Variants in GPC6 observed in about 807,000 individuals in gnomAD.
The protein encoded by GPC6 is glypican 6.
Under a neutral mutation model 55.2 loss-of-function variants are expected in GPC6, and 14 were observed. The ratio of observed to expected loss-of-function variants is 0.25; its 90% confidence interval spans 0.17 to 0.40. The LOEUF (loss-of-function observed/expected upper bound fraction) is 0.40. Among genes scored for constraint, GPC6 ranks in the 10% least tolerant of loss-of-function variants. GPC6 has a pLI of 1.00. For synonymous variants in GPC6, 278 were observed against 259.6 expected (o/e 1.07, Z -0.68); for missense variants, 641 against 708.5 (o/e 0.90, Z 1.08).
rs1424513984 is a variant in GPC6, at chr13:93,672,711, A to G, written c.319+127290A>G. Among the ~76,000 whole-genome samples, 4 of 151,634 alleles carry G rather than the reference A, an allele frequency of 2.6e-5. No individual in the cohort carries two copies. The East Asian group carries it at 7.8e-4, about 29-fold the overall frequency. On this transcript the variant is annotated intron_variant, in intron 2 of 8. Transcript: ENST00000377047. The stretch of plus-strand genomic sequence containing the variant: ...TATATATATAATCTCAGTGTTCATT[A>G]TATGTAAAATTAGATACATATATAA...
At chr13:93,754,818 G>C (rs1464998728) in intron 2 of GPC6, among the ~76,000 whole-genome samples, 2 of 152,002 alleles carry the variant, frequency 1.3e-5, no homozygotes, top group Non-Finnish European at 2.9e-5. Flanking sequence ...AACCTTTGAG[G>C]CCACCCAAAT....
chr13:93,805,390 A>G (rs1424689033), intron 2 of GPC6, among the ~76,000 whole-genome samples: 2 of 152,190 alleles, frequency 1.3e-5, no homozygotes, highest in Non-Finnish European at 2.9e-5. Context: ...TAAATTAATC[A>G]TGATGGGTGG....
intron 1 of GPC6, among the ~76,000 whole-genome samples, chr13:93,385,235 G>A (rs774009757): frequency 6.6e-5 from 10 of 152,214 alleles, no homozygotes; most frequent in African/African-American, 9.6e-5. Context: ...GAAACTGGTA[G>A]CAGGACAGTG....
intron 3 of GPC6, among the ~76,000 whole-genome samples, chr13:93,994,639 T>C (rs1355144972): frequency 6.6e-6 from 1 of 152,164 alleles, no homozygotes; most frequent in African/African-American, 2.4e-5. Context: ...AAAGTGTTAG[T>C]GCTGTGACTG....
chr13:93,345,150 T>C (rs906196295), intron 1 of GPC6, among the ~76,000 whole-genome samples: 1 of 152,126 alleles, frequency 6.6e-6, no homozygotes, highest in Admixed American at 6.6e-5. Flanking sequence ...TTTCAGAACA[T>C]CCTGTCTGGA....
intron 1 of GPC6, among the ~76,000 whole-genome samples, chr13:93,380,183 A>G (rs1257712979): frequency 6.6e-6 from 1 of 152,176 alleles, no homozygotes; most frequent in Non-Finnish European, 1.5e-5. Flanking sequence ...AGTAAGTTTT[A>G]AATCACAGAA....
intron 1 of GPC6, among the ~76,000 whole-genome samples, chr13:93,365,768 T>C (rs1881224923): frequency 6.6e-6 from 1 of 152,050 alleles, no homozygotes; most frequent in Admixed American, 6.6e-5. Flanking sequence ...ATCTATCACT[T>C]TACATGGTAG....
intron 3 of GPC6, among the ~76,000 whole-genome samples, chr13:93,875,000 C>A (rs970439740): frequency 5.3e-5 from 8 of 151,958 alleles, no homozygotes; most frequent in African/African-American, 1.9e-4. Context: ...GCATCTCTTG[C>A]ATAATATTAG....
intron 4 of GPC6, among the ~76,000 whole-genome samples, chr13:94,110,866 T>G (rs1040292762): frequency 3.3e-5 from 5 of 152,070 alleles, no homozygotes; most frequent in Non-Finnish European, 7.4e-5. Context: ...CAAGAATTTT[T>G]GTTTATTTAT....
In GPC6 at chr13:93,262,208, G is replaced by A. The variant is rs1193776287; in HGVS notation, c.160+34592G>A. On this transcript the variant is annotated intron_variant, in intron 1 of 8. Coordinates refer to ENST00000377047, the MANE Select transcript of GPC6 (RefSeq NM_005708.5). The stretch of plus-strand genomic sequence containing the variant: ...CAAAAGTAACTTTTACCTTTCTCAG[G>A]TCCAGATGTCAGGGGGTTGTAGTGA... Among the ~76,000 whole-genome samples, 6 of 151,958 alleles carry A rather than the reference G, an allele frequency of 3.9e-5. No individual in the cohort carries two copies. The East Asian group carries it at 7.7e-4, about 20-fold the overall frequency.
At chr13:93,859,030 C>G (rs1374058847) in intron 3 of GPC6, among the ~76,000 whole-genome samples, 1 of 151,394 alleles carries the variant, frequency 6.6e-6, no homozygotes, top group Non-Finnish European at 1.5e-5. Context: ...TTCTAATGAA[C>G]ACTTCATTAA....
intron 2 of GPC6, among the ~76,000 whole-genome samples, chr13:93,664,899 A>G (rs1455182430): frequency 1.3e-5 from 2 of 152,238 alleles, no homozygotes; most frequent in African/African-American, 4.8e-5. Flanking sequence ...TAAAGTAAAC[A>G]TAATAATAAT....
rs185921517 is a variant in GPC6, at chr13:93,709,106, A to G, written c.320-121048A>G. Among the ~76,000 whole-genome samples the G allele has an allele frequency of 2.1e-3, 313 of 151,972 alleles. 1 individual carries two copies. Among genetic ancestry groups the G allele is most frequent in the African/African-American group, 6.7e-3 (278 of 41,522 alleles). On this transcript the variant is annotated intron_variant, in intron 2 of 8. Transcript: ENST00000377047. ...TTTTGCAACCAAGAAAATAATTTCC[A>G]TTGCCATTTTTAGCATGTTACTTAT... is the stretch of plus-strand genomic sequence containing the variant.
chr13:93,331,225 T>G (rs1879833076), intron 1 of GPC6, among the ~76,000 whole-genome samples: 3 of 152,204 alleles, frequency 2.0e-5, no homozygotes, highest in Admixed American at 6.5e-5. Flanking sequence ...TCATACTACA[T>G]TTTTATCAGG....
At chr13:93,687,946 A>G (rs1051366876) in intron 2 of GPC6, among the ~76,000 whole-genome samples, 1 of 151,934 alleles carries the variant, frequency 6.6e-6, no homozygotes, top group Non-Finnish European at 1.5e-5. Context: ...AAAGAAGTCC[A>G]GAGGCAGGCA....
chr13:93,913,586 C>T (rs1877124643), intron 3 of GPC6, among the ~76,000 whole-genome samples: 1 of 152,116 alleles, frequency 6.6e-6, no homozygotes, highest in South Asian at 2.1e-4. Flanking sequence ...GAAATTGGAA[C>T]TCCAATTTCT....
At chr13:93,549,308 G>A (rs1874996578) in intron 2 of GPC6, among the ~76,000 whole-genome samples, 1 of 152,144 alleles carries the variant, frequency 6.6e-6, no homozygotes, top group African/African-American at 2.4e-5. Flanking sequence ...CTCATTTTTA[G>A]TATTTTTGTG....
intron 4 of GPC6, among the ~76,000 whole-genome samples, chr13:94,207,527 G>T (rs1889940533): frequency 6.6e-6 from 1 of 152,124 alleles, no homozygotes; most frequent in Admixed American, 6.5e-5. Context: ...CTATGAAGTG[G>T]ACTATGACAA....
intron 6 of GPC6, among the ~76,000 whole-genome samples, chr13:94,354,800 G>A (rs1878713373): frequency 6.6e-6 from 1 of 152,254 alleles, no homozygotes; most frequent in Non-Finnish European, 1.5e-5. Context: ...TCAGCCATCA[G>A]TGTTAATCTA....
Sources: gnomAD v4.1 joint callset for allele counts (sites outside exome capture counted in the v4.1 genomes callset) on GRCh38, gnomAD v4.1.1 for gene constraint, MANE v1.5 for transcripts, NCBI Gene and HGNC (gene_info 2026-07-23, HGNC 2026-07-21) for gene names.